Variants in SLC20A2 observed in about 807,000 individuals in gnomAD.
The protein encoded by SLC20A2 is solute carrier family 20 member 2.
In SLC20A2, 30 loss-of-function variants were observed where a neutral mutation model predicts 61.0. The observed-to-expected ratio is 0.49, with a 90% CI of 0.37 to 0.67. The LOEUF (loss-of-function observed/expected upper bound fraction) is 0.67. Ranked by LOEUF, SLC20A2 falls within the 30% of genes least tolerant of loss-of-function variation. SLC20A2 has a pLI of 0.00. For missense variants in SLC20A2, 626 were observed against 866.4 expected (o/e 0.72, Z 3.48); for synonymous variants, 351 against 353.3 (o/e 0.99, Z 0.07).
chr8:42,418,867 A>G (rs924345266), intron 10 of SLC20A2, among the ~76,000 whole-genome samples: 6 of 151,618 alleles, frequency 4.0e-5, no homozygotes, highest in Non-Finnish European at 8.8e-5. Flanking sequence ...GCGTGGTGGC[A>G]GGCGCCTGTA....
At chr8:42,426,035 C>CA (rs1197117813) in intron 10 of SLC20A2, among the ~76,000 whole-genome samples, 38 of 144,866 alleles carry the variant, frequency 2.6e-4, no homozygotes, top group Middle Eastern at 3.5e-3. Context: ...GACTCCATCT[C>CA]AAAAAAAAAA....
rs1264044403 is a variant in SLC20A2, at chr8:42,444,098, G to T, written c.730+548C>A. 6.6e-5 allele frequency among the ~76,000 whole-genome samples: 10 copies of T among 152,312 alleles called. No individual in the cohort carries two copies. The East Asian group carries it at 1.9e-3, about 29-fold the overall frequency. On this transcript the variant is annotated intron_variant, in intron 6 of 10. Transcript: ENST00000520262. ...TTATGACAAAAAGATTTGTATACAAGTCTTTTTATGAACACGTTTTCATTT... is the reference window on the plus strand; with the variant it reads ...TTATGACAAAAAGATTTGTATACAATTCTTTTTATGAACACGTTTTCATTT...
chr8:42,510,445 C>T (rs1340418907), intron 1 of SLC20A2, among the ~76,000 whole-genome samples: 1 of 152,174 alleles, frequency 6.6e-6, no homozygotes, highest in African/African-American at 2.4e-5. Flanking sequence ...TTTACTCCCT[C>T]AGATAATAGG....
chr8:42,512,534 A>C (rs534917321), intron 1 of SLC20A2, among the ~76,000 whole-genome samples: 2 of 152,030 alleles, frequency 1.3e-5, no homozygotes, highest in African/African-American at 4.8e-5. Flanking sequence ...TATTTTTAGT[A>C]CAGATGGGGT....
At chr8:42,475,751 A>G (rs889709079) in intron 1 of SLC20A2, among the ~76,000 whole-genome samples, 1 of 151,542 alleles carries the variant, frequency 6.6e-6, no homozygotes, top group African/African-American at 2.4e-5. Context: ...ACCACATTGG[A>G]TACAAGGCAA....
chr8:42,449,070 T>C (rs1805455708), intron 5 of SLC20A2, among the ~76,000 whole-genome samples: 4 of 152,222 alleles, frequency 2.6e-5, no homozygotes, highest in Admixed American at 2.6e-4. Flanking sequence ...GACTGGCTTC[T>C]ACACAACAAC....
At chr8:42,501,548 ATTAT>A (rs1489186282), upstream of SLC20A2, 1 of 152,268 alleles carries the variant, frequency 6.6e-6, no homozygotes, top group Non-Finnish European at 1.5e-5. Context: ...ATTCTGTCCG[ATTAT>A]TTAAACAGCG....
rs767157233 is a variant in SLC20A2, at chr8:42,472,075, C to T, written c.289+27G>A. On this transcript the variant is annotated intron_variant, in intron 2 of 10. Coordinates refer to ENST00000520262, the MANE Select transcript of SLC20A2 (RefSeq NM_001257180.2). This position sits in a 1 kb window ranked among gnomAD's most constrained non-coding sequence, Gnocchi z 4.1. ...GAAGCGGGTCAGTGGGCGGATGTCCCATCGGTATAGAGAAGAGGCTACTCA... is the reference window on the plus strand; with the variant it reads ...GAAGCGGGTCAGTGGGCGGATGTCCTATCGGTATAGAGAAGAGGCTACTCA... 6 of 1,604,630 alleles carry T rather than the reference C, an allele frequency of 3.7e-6. No individual in the cohort carries two copies. The highest frequency in any genetic ancestry group is 2.2e-5 in the East Asian group (1 of 44,778).
At chr8:42,514,474 C>A (rs1811205638) in intron 1 of SLC20A2, among the ~76,000 whole-genome samples, 1 of 152,114 alleles carries the variant, frequency 6.6e-6, no homozygotes, top group African/African-American at 2.4e-5. Flanking sequence ...AAGCCCTCCC[C>A]TGGCTGGGCG....
intron 4 of SLC20A2, among the ~76,000 whole-genome samples, chr8:42,460,647 C>T (rs539981586): frequency 5.3e-5 from 8 of 152,338 alleles, no homozygotes; most frequent in African/African-American, 1.9e-4. Context: ...TTATTAACTA[C>T]TTTAGGCTTC....
chr8:42,455,761 G>A (rs1054787069), intron 5 of SLC20A2, among the ~76,000 whole-genome samples: 1 of 152,056 alleles, frequency 6.6e-6, no homozygotes, highest in Non-Finnish European at 1.5e-5. Context: ...TCTGTATAAT[G>A]TCACAACTAA....
At chr8:42,526,541 T>G (rs978877894) in intron 1 of SLC20A2, among the ~76,000 whole-genome samples, 3 of 151,288 alleles carry the variant, frequency 2.0e-5, no homozygotes, top group African/African-American at 4.9e-5. Context: ...GGTGTGGTGG[T>G]GGGCACCTGT....
At chr8:42,459,159 C>G (rs1806478790) in intron 5 of SLC20A2, among the ~76,000 whole-genome samples, 1 of 143,788 alleles carries the variant, frequency 7.0e-6, no homozygotes, top group Non-Finnish European at 1.5e-5. Context: ...TCGCTTGAAC[C>G]TGGGAGGCGG....
chr8:42,534,069 A>G (rs1271634319), intron 1 of SLC20A2, among the ~76,000 whole-genome samples: 2 of 151,922 alleles, frequency 1.3e-5, no homozygotes, highest in African/African-American at 4.8e-5. Flanking sequence ...TAATCCCAAC[A>G]CTTTGGGGAG....
intron 5 of SLC20A2, among the ~76,000 whole-genome samples, chr8:42,457,219 C>T (rs1018820834): frequency 6.6e-6 from 1 of 152,064 alleles, no homozygotes; most frequent in Non-Finnish European, 1.5e-5. Context: ...TGAGCCACCG[C>T]GCCCAGCCTC....
intron 9 of SLC20A2, among the ~76,000 whole-genome samples, chr8:42,429,400 C>G (rs1043365730): frequency 2.6e-5 from 4 of 152,134 alleles, no homozygotes; most frequent in African/African-American, 7.2e-5. Flanking sequence ...GTCCTCCCCA[C>G]CCCAGCTGCC....
intron 1 of SLC20A2, among the ~76,000 whole-genome samples, chr8:42,495,719 T>C (rs1473987523): frequency 1.3e-5 from 2 of 151,952 alleles, no homozygotes; most frequent in African/African-American, 4.8e-5. Flanking sequence ...TTAACTATGC[T>C]ATAAAAGCCA....
At chr8:42,533,651 G>GTTCTTTTTTTCTTTTTTTTT (rs1380902729) in intron 1 of SLC20A2, among the ~76,000 whole-genome samples, 1 of 89,736 alleles carries the variant, frequency 1.1e-5, no homozygotes, top group Non-Finnish European at 2.1e-5. Context: ...ATGATCAACT[G>GTTCTTTTTTTCTTTTTTTTT]TTCTTTTTTT....
intron 1 of SLC20A2, among the ~76,000 whole-genome samples, chr8:42,476,451 T>C (rs766798031): frequency 6.6e-6 from 1 of 152,092 alleles, no homozygotes; most frequent in Non-Finnish European, 1.5e-5. Flanking sequence ...ACCTTGAATA[T>C]GGCAGTGGCT....
Sources: allele counts gnomAD v4.1 joint callset (sites outside exome capture counted in the v4.1 genomes callset), GRCh38; gene constraint gnomAD v4.1.1; non-coding constraint Gnocchi (gnomAD v3.1); transcripts MANE v1.5; gene names NCBI Gene and HGNC (gene_info 2026-07-23, HGNC 2026-07-21).